Variants in CCSER1 observed in about 807,000 individuals in gnomAD.
CCSER1 encodes serine-rich coiled-coil domain-containing protein 1.
A neutral mutation model predicts 82.0 loss-of-function variants in CCSER1; 41 were observed. The observed-to-expected ratio is 0.50, with a 90% CI of 0.39 to 0.65. The LOEUF is 0.65. Ranked by LOEUF, CCSER1 falls within the 30% of genes least tolerant of loss-of-function variation. CCSER1 has a pLI of 0.00. For missense variants in CCSER1, 1,119 were observed against 1,064.2 expected (o/e 1.05, Z -0.72); for synonymous variants, 414 against 383.9 (o/e 1.08, Z -0.92).
Position 90,589,170 on chromosome 4 carries a change from G to T in CCSER1, c.1725-38855G>T, listed in dbSNP as rs548414961. Among the ~76,000 whole-genome samples the T allele has an allele frequency of 5.9e-5, 9 of 152,190 alleles. No homozygotes were observed. The South Asian group carries it at 1.7e-3, about 28-fold the overall frequency. ...TCAAAGGGAGAAATTATTCAATTAGGTAAAGGAGGAAAGCATTTATTAAAA... is the reference window on the plus strand; with the variant it reads ...TCAAAGGGAGAAATTATTCAATTAGTTAAAGGAGGAAAGCATTTATTAAAA... On this transcript the variant is annotated intron_variant, in intron 5 of 10. Transcript: ENST00000509176.
intron 9 of CCSER1, among the ~76,000 whole-genome samples, chr4:90,995,065 A>G (rs1168193908): frequency 2.0e-5 from 3 of 152,106 alleles, no homozygotes; most frequent in Non-Finnish European, 4.4e-5. Flanking sequence ...TCTTTTTGCA[A>G]TTTTACAAAC....
At chr4:91,530,651 A>C (rs1358531237) in intron 10 of CCSER1, among the ~76,000 whole-genome samples, 2 of 151,742 alleles carry the variant, frequency 1.3e-5, no homozygotes, top group Non-Finnish European at 2.9e-5. Flanking sequence ...TGCTGAAAAA[A>C]AAATTCTGTT....
chr4:91,588,987 T>G (rs1379911437), intron 10 of CCSER1, among the ~76,000 whole-genome samples: 1 of 151,826 alleles, frequency 6.6e-6, no homozygotes, highest in Non-Finnish European at 1.5e-5. Context: ...TTTTACAGTA[T>G]ATGACAGATG....
At chr4:90,846,181 A>G (rs1580753023) in intron 8 of CCSER1, among the ~76,000 whole-genome samples, 2 of 152,312 alleles carry the variant, frequency 1.3e-5, no homozygotes, top group African/African-American at 2.4e-5. Flanking sequence ...TCCATTGCCC[A>G]GTAACTTTAA....
At chr4:90,435,416 T>C (rs1578450935) in intron 4 of CCSER1, among the ~76,000 whole-genome samples, 1 of 152,156 alleles carries the variant, frequency 6.6e-6, no homozygotes, top group East Asian at 1.9e-4. Context: ...TCTCATCTCT[T>C]AAAATATAGA....
chr4:90,307,439 T>G (rs1734499261), intron 1 of CCSER1, among the ~76,000 whole-genome samples: 1 of 146,404 alleles, frequency 6.8e-6, no homozygotes, highest in African/African-American at 2.5e-5. Context: ...TATATCCTTG[T>G]GATTTAGTTT....
intron 5 of CCSER1, among the ~76,000 whole-genome samples, chr4:90,534,283 C>A (rs1223501254): frequency 2.0e-5 from 3 of 152,176 alleles, no homozygotes; most frequent in Non-Finnish European, 2.9e-5. Context: ...GCGCCCGCCA[C>A]CACGCCTGGC....
At chr4:91,425,236 A>G (rs1753902684) in intron 10 of CCSER1, among the ~76,000 whole-genome samples, 1 of 152,096 alleles carries the variant, frequency 6.6e-6, no homozygotes, top group African/African-American at 2.4e-5. Context: ...TTTTTGCTCA[A>G]TTTTAGAACT....
At chr4:90,976,211 A>G (rs1406531250) in intron 9 of CCSER1, among the ~76,000 whole-genome samples, 2 of 151,402 alleles carry the variant, frequency 1.3e-5, no homozygotes, top group African/African-American at 2.4e-5. Flanking sequence ...AAAAGGCTAG[A>G]CACATTATTA....
At chr4:90,801,747 A>T (rs1036356899) in intron 7 of CCSER1, among the ~76,000 whole-genome samples, 4 of 152,244 alleles carry the variant, frequency 2.6e-5, no homozygotes, top group Non-Finnish European at 5.9e-5. Context: ...AAATTACATT[A>T]TAGTTTGTGT....
chr4:91,290,098 G>A (rs762488242), intron 10 of CCSER1, among the ~76,000 whole-genome samples: 2 of 151,866 alleles, frequency 1.3e-5, no homozygotes, highest in Non-Finnish European at 2.9e-5. Flanking sequence ...TAACAAGCTA[G>A]CTACAAAACA....
chr4:91,392,106 A>T (rs1274650129), intron 10 of CCSER1, among the ~76,000 whole-genome samples: 1 of 152,102 alleles, frequency 6.6e-6, no homozygotes, highest in Non-Finnish European at 1.5e-5. Context: ...ATACCATCTG[A>T]GTATGCTAGG....
chr4:90,723,085 T>G (rs1742964093), intron 6 of CCSER1, among the ~76,000 whole-genome samples: 1 of 151,984 alleles, frequency 6.6e-6, no homozygotes, highest in Non-Finnish European at 1.5e-5. Flanking sequence ...TTTTCAATGT[T>G]TTCTTTTGTT....
intron 10 of CCSER1, among the ~76,000 whole-genome samples, chr4:91,224,185 A>G (rs1461344497): frequency 1.3e-5 from 2 of 152,118 alleles, no homozygotes; most frequent in Non-Finnish European, 2.9e-5. Flanking sequence ...AATTCGCTAA[A>G]GCATGCAAGT....
chr4:90,769,413 A>G (rs1396389524), intron 7 of CCSER1, among the ~76,000 whole-genome samples: 4 of 152,194 alleles, frequency 2.6e-5, no homozygotes, highest in Non-Finnish European at 4.4e-5. Flanking sequence ...GCTCAACTGA[A>G]TGATGACTCA....
intron 5 of CCSER1, among the ~76,000 whole-genome samples, chr4:90,495,611 A>G (rs949757626): frequency 6.6e-6 from 1 of 152,228 alleles, no homozygotes; most frequent in East Asian, 1.9e-4. Flanking sequence ...ACTAATTTTT[A>G]TATGGATACT....
intron 8 of CCSER1, 110 bp from the exon 9 acceptor site, chr4:90,923,260 C>G (rs1728639196): frequency 1.3e-6 from 1 of 775,520 alleles, no homozygotes; most frequent in African/African-American, 1.7e-5. Context: ...AGCATATGCA[C>G]AGAGAAGAAC....
At chr4:91,039,694 A>G (rs149273783) in intron 9 of CCSER1, among the ~76,000 whole-genome samples, 1,399 of 132,182 alleles carry the variant, frequency 0.011, 19 homozygotes, top group African/African-American at 0.035. Flanking sequence ...GTATAGATCT[A>G]AAATGTGTAT....
At chr4:90,991,620 A>T (rs887447045) in intron 9 of CCSER1, among the ~76,000 whole-genome samples, 1 of 151,938 alleles carries the variant, frequency 6.6e-6, no homozygotes, top group Admixed American at 6.6e-5. Context: ...TCTCAGTCAT[A>T]TTGAACTAGG....
Sources: gnomAD v4.1 joint callset for allele counts (sites outside exome capture counted in the v4.1 genomes callset) on GRCh38, gnomAD v4.1.1 for gene constraint, MANE v1.5 for transcripts, NCBI Gene and HGNC (gene_info 2026-07-23, HGNC 2026-07-21) for gene names.